ARID4B: variants seen among roughly 807,000 people sequenced by gnomAD.
ARID4B encodes the protein AT-rich interaction domain 4B.
Under a neutral mutation model 147.5 loss-of-function variants are expected in ARID4B, and 26 were observed. That is an observed-to-expected ratio of 0.18 (90% confidence interval 0.13 to 0.24). The LOEUF (loss-of-function observed/expected upper bound fraction) is 0.24. Among genes scored for constraint, ARID4B ranks in the 10% least tolerant of loss-of-function variants. The probability of loss-of-function intolerance (pLI) is 1.00; values close to 1 mark genes in which losing one functional copy is unlikely to be tolerated. For synonymous variants in ARID4B, 512 were observed against 507.9 expected (o/e 1.01, Z -0.11); for missense variants, 1,179 against 1,511.5 (o/e 0.78, Z 3.65).
At chr1:235,187,052 C>G (rs1415302535) in intron 19 of ARID4B, 2 of 348,636 alleles carry the variant, frequency 5.7e-6, no homozygotes, top group Non-Finnish European at 1.1e-5. Flanking sequence ...GCATCTTATT[C>G]TTTTCTTTTT....
At chr1:235,266,001 A>G (rs994865821) in intron 2 of ARID4B, among the ~76,000 whole-genome samples, 4 of 152,214 alleles carry the variant, frequency 2.6e-5, no homozygotes, top group African/African-American at 9.6e-5. Flanking sequence ...AAAAATTCCC[A>G]CATAAATAGA....
chr1:235,191,167 T>A (rs1293532555), intron 19 of ARID4B, among the ~76,000 whole-genome samples: 1 of 152,074 alleles, frequency 6.6e-6, no homozygotes, highest in Non-Finnish European at 1.5e-5. Context: ...AAGCCTAGAA[T>A]GAGAATATAT....
intron 3 of ARID4B, among the ~76,000 whole-genome samples, chr1:235,258,594 T>C (rs1670120921): frequency 6.6e-6 from 1 of 152,184 alleles, no homozygotes; most frequent in Non-Finnish European, 1.5e-5. Context: ...ACAATTGTTT[T>C]CTCTAACAAG....
Position 235,175,404 on chromosome 1 carries a change from AAG to A in ARID4B, c.3449-7_3449-6del, listed in dbSNP as rs1663790313. 6.3e-7 allele frequency: 1 copy of A among 1,596,672 alleles called. No homozygotes were observed. Among genetic ancestry groups the A allele is most frequent in the Admixed American group, 1.7e-5 (1 of 58,394 alleles). On this transcript the variant is annotated splice_region_variant and splice_polypyrimidine_tract_variant and intron_variant, in intron 21 of 23. Transcript: ENST00000264183. ...CTTCACTATCACTACTATTTGCTGA[AAG>A]AGAAAGAAAAGATTTAATAAACAAA... is the stretch of plus-strand genomic sequence containing the variant.
intron 8 of ARID4B, 41 bp downstream of exon 8, chr1:235,240,272 T>TA (rs1558236845): frequency 6.5e-7 from 1 of 1,542,742 alleles, no homozygotes; most frequent in South Asian, 1.2e-5. Flanking sequence ...CATAAACTTA[T>TA]AAAGTTTGAA....
At chr1:235,213,522 A>G (rs1014596692) in intron 17 of ARID4B, among the ~76,000 whole-genome samples, 1 of 152,206 alleles carries the variant, frequency 6.6e-6, no homozygotes, top group Non-Finnish European at 1.5e-5. Flanking sequence ...GCTGATCTAC[A>G]TGTAGTACAT....
chr1:235,222,084 A>T (rs940567936), intron 13 of ARID4B, among the ~76,000 whole-genome samples: 8 of 151,398 alleles, frequency 5.3e-5, no homozygotes, highest in Non-Finnish European at 1.0e-4. Context: ...TAATTAAAAA[A>T]TTTTTTTTGT....
chr1:235,219,741 G>A (rs1287854984), intron 16 of ARID4B, 52 bp downstream of exon 16: 1 of 1,402,366 alleles, frequency 7.1e-7, no homozygotes, highest in Admixed American at 2.2e-5. Context: ...AAGAGCAAAT[G>A]ATAAGAATCC....
At chr1:235,223,568 C>T (rs1361112338) in intron 12 of ARID4B, among the ~76,000 whole-genome samples, 1 of 150,608 alleles carries the variant, frequency 6.6e-6, no homozygotes, top group Non-Finnish European at 1.5e-5. Context: ...TTTCTTCCCT[C>T]TGCTGAGGGA....
intron 2 of ARID4B, among the ~76,000 whole-genome samples, chr1:235,314,991 A>T (rs1282310144): frequency 1.3e-5 from 2 of 152,232 alleles, no homozygotes; most frequent in African/African-American, 4.8e-5. Flanking sequence ...CTGAAATCAA[A>T]AGGTTATCAA....
At chr1:235,248,256 T>A (rs7541660) in intron 6 of ARID4B, among the ~76,000 whole-genome samples, 1 of 151,926 alleles carries the variant, frequency 6.6e-6, no homozygotes, top group Non-Finnish European at 1.5e-5. Flanking sequence ...TGCCATGTTG[T>A]CCAGGCTGGT....
At chr1:235,271,019 A>C (rs1670947396) in intron 2 of ARID4B, among the ~76,000 whole-genome samples, 2 of 152,212 alleles carry the variant, frequency 1.3e-5, no homozygotes. Flanking sequence ...AAGTCACTAA[A>C]GACAGCATCT....
intron 16 of ARID4B, among the ~76,000 whole-genome samples, chr1:235,216,142 G>A (rs1667059907): frequency 2.0e-5 from 3 of 151,938 alleles, no homozygotes; most frequent in African/African-American, 4.8e-5. Context: ...CCGTGTTCAC[G>A]AAAGTATCAA....
intron 17 of ARID4B, among the ~76,000 whole-genome samples, chr1:235,206,276 C>T (rs1666302920): frequency 6.6e-6 from 1 of 151,766 alleles, no homozygotes; most frequent in African/African-American, 2.4e-5. Flanking sequence ...TAACGTAGTC[C>T]TAATGTAGAA....
At chr1:235,200,604 G>A (rs956079576) in intron 17 of ARID4B, among the ~76,000 whole-genome samples, 6 of 152,228 alleles carry the variant, frequency 3.9e-5, no homozygotes, top group African/African-American at 1.4e-4. Flanking sequence ...AGTGGGTCAA[G>A]ATTTCTCATT....
chr1:235,214,400 A>C (rs1181246889), intron 16 of ARID4B, among the ~76,000 whole-genome samples: 1 of 152,150 alleles, frequency 6.6e-6, no homozygotes, highest in African/African-American at 2.4e-5. Flanking sequence ...ATTATACTTC[A>C]TTGCCATTTT....
chr1:235,253,639 A>T (rs1278814882), intron 5 of ARID4B, among the ~76,000 whole-genome samples: 4 of 152,242 alleles, frequency 2.6e-5, no homozygotes, highest in Admixed American at 6.5e-5. Context: ...TTTAATAAAA[A>T]TAAAGTACTT....
Position 235,194,202 on chromosome 1 carries a change from C to G in ARID4B, c.1936G>C (p.Asp646His), listed in dbSNP as rs757307856. The G allele has an allele frequency of 6.2e-7, 1 of 1,601,790 alleles. No individual in the cohort carries two copies. The highest frequency in any genetic ancestry group is 8.5e-7 in the Non-Finnish European group (1 of 1,169,606). The change falls in exon 19 of 24, where the codon GAC (aspartate) becomes CAC (histidine). Residue 646 changes from aspartate to histidine, a missense_variant. By Grantham distance (81) the Asp-to-His change is moderately conservative. This residue lies in a region of ARID4B where 321 missense variants were observed against 342.4 expected (regional missense o/e 0.94). Coordinates refer to ENST00000264183, the MANE Select transcript of ARID4B (RefSeq NM_016374.6). Reference sequence around the variant, plus strand: ...TTTTCATCTTTGTCTTTTTCTTTGTCTAATTTATTCTAGGTTAAGAAAAAA... The same window carrying G: ...TTTTCATCTTTGTCTTTTTCTTTGTGTAATTTATTCTAGGTTAAGAAAAAA... ...KHRKKIKNKL[D>H]KEKDKDEKYS...
intron 17 of ARID4B, among the ~76,000 whole-genome samples, chr1:235,198,346 T>C (rs781432663): frequency 2.6e-5 from 4 of 152,214 alleles, no homozygotes; most frequent in Non-Finnish European, 4.4e-5. Context: ...AATACATGCA[T>C]GATATTGCAC....
Sources: allele counts gnomAD v4.1 joint callset (sites outside exome capture counted in the v4.1 genomes callset), GRCh38; gene constraint gnomAD v4.1.1; regional missense constraint gnomAD v4.1.1; transcripts MANE v1.5; gene names NCBI Gene and HGNC (gene_info 2026-07-23, HGNC 2026-07-21).